The following MGST2 variants were observed in gnomAD, a reference collection of about 807,000 sequenced individuals.
MGST2 encodes the protein microsomal glutathione S-transferase 2.
Under a neutral mutation model 16.6 loss-of-function variants are expected in MGST2, and 9 were observed. That is an observed-to-expected ratio of 0.54 (90% confidence interval 0.33 to 0.95). MGST2 has a LOEUF of 0.95. Among genes scored for constraint, MGST2 ranks in the 40% least tolerant of loss-of-function variants. The pLI is 0.03. For missense variants in MGST2, 159 were observed against 175.1 expected, an observed-to-expected ratio of 0.91 and a Z score of 0.52; for synonymous variants, 79 against 68.0, an observed-to-expected ratio of 1.16 and a Z score of -0.79.
intron 5 of MGST2, among the ~76,000 whole-genome samples, chr4:139,716,116 G>A (rs989853627): frequency 3.3e-5 from 5 of 152,174 alleles, no homozygotes; most frequent in Non-Finnish European, 7.3e-5. Flanking sequence ...TTGCAGTAGA[G>A]CTCTGGAGCA....
chr4:139,713,960 CT>C (rs1452910902), intron 5 of MGST2, among the ~76,000 whole-genome samples: 1 of 152,222 alleles, frequency 6.6e-6, no homozygotes, highest in South Asian at 2.1e-4. Flanking sequence ...CTTGCAAAGG[CT>C]TTTAACTATT....
rs190438156 is a variant in MGST2, at chr4:139,723,491, T to A, written c.*49-16721T>A. 1.6e-3 allele frequency among the ~76,000 whole-genome samples: 248 copies of A among 152,248 alleles called. 1 individual carries two copies. The highest frequency in any genetic ancestry group is 3.4e-3 in the Middle Eastern group (1 of 294). On this transcript the variant is annotated intron_variant, in intron 5 of 5. Coordinates refer to the MGST2 transcript ENST00000616265. Reference sequence around the variant, plus strand: ...ATGCCTGGCTAATTTTTTGTATTTTTAGTAGAGACGGGGTTTCTCCATGTT... The same window carrying A: ...ATGCCTGGCTAATTTTTTGTATTTTAAGTAGAGACGGGGTTTCTCCATGTT...
At chr4:139,670,261 G>C (rs8192022) in intron 1 of MGST2, among the ~76,000 whole-genome samples, 3 of 124,496 alleles carry the variant, frequency 2.4e-5, no homozygotes, top group Non-Finnish European at 3.3e-5. Flanking sequence ...TGGGGGGCGG[G>C]GGGGGGGCGG....
At chr4:139,709,584 T>C (rs897995535) in intron 5 of MGST2, among the ~76,000 whole-genome samples, 2 of 152,370 alleles carry the variant, frequency 1.3e-5, no homozygotes, top group African/African-American at 2.4e-5. Flanking sequence ...GAAGCATTTA[T>C]GGCAAAGTGT....
chr4:139,708,917 A>G (rs1182136196), downstream of MGST2, among the ~76,000 whole-genome samples: 4 of 147,416 alleles, frequency 2.7e-5, no homozygotes, highest in Non-Finnish European at 4.5e-5. Context: ...CAGGAGAATC[A>G]CTTGAACCCA....
At chr4:139,730,943 A>G (rs1268850112) in intron 5 of MGST2, 4 of 464,522 alleles carry the variant, frequency 8.6e-6, no homozygotes, top group African/African-American at 7.7e-5. Context: ...TATTGCATAT[A>G]GACTGGATTT....
chr4:139,691,693 TG>T (rs1726603663), intron 2 of MGST2, among the ~76,000 whole-genome samples: 9 of 143,318 alleles, frequency 6.3e-5, no homozygotes, highest in East Asian at 2.4e-4. Flanking sequence ...ATGATGATGA[TG>T]ATGATTATTA....
intron 5 of MGST2, among the ~76,000 whole-genome samples, chr4:139,724,792 T>G (rs1280423231): frequency 7.5e-6 from 1 of 134,196 alleles, no homozygotes; most frequent in Non-Finnish European, 1.7e-5. Context: ...TTTTTTTTTT[T>G]GAGACAGAGT....
Position 139,695,304 on chromosome 4 carries a change from G to T in MGST2, c.229+37G>T. ...ATACAGTCAACTGTGTTCTAATGAT[G>T]ACTGTGATGCTTAAACGATTAAGGA... is the stretch of plus-strand genomic sequence containing the variant. On this transcript the variant is annotated intron_variant, in intron 3 of 4. Transcript: ENST00000265498. 3 of 1,508,172 alleles carry T rather than the reference G, an allele frequency of 2.0e-6. No individual in the cohort carries two copies. The South Asian group carries it at 3.4e-5, about 17-fold the overall frequency. 93.4% of individuals were successfully genotyped at this position (1,508,172 alleles called of 1,614,324 possible).
Position 139,715,671 on chromosome 4 carries a change from C to T in MGST2, c.*48+11475C>T, listed in dbSNP as rs1454966870. On this transcript the variant is annotated intron_variant, in intron 5 of 5. Transcript: ENST00000616265. This position sits in a 1 kb window ranked among gnomAD's most constrained non-coding sequence, Gnocchi z 4.4. The stretch of plus-strand genomic sequence containing the variant: ...TTATTCATGCCTCCCCTTTTTAGAC[C>T]ATATAGGGTAACTTCCTGACCTTGC... 6.6e-6 allele frequency among the ~76,000 whole-genome samples: 1 copy of T among 152,054 alleles called. No individual in the cohort carries two copies. The highest frequency in any genetic ancestry group is 2.4e-5 in the African/African-American group (1 of 41,400).
At chr4:139,754,012 A>G in the MGST2 span, among the ~76,000 whole-genome samples, 1 of 152,266 alleles carries the variant, frequency 6.6e-6, no homozygotes, top group African/African-American at 2.4e-5. Flanking sequence ...AAGAATTAAT[A>G]CTACCTACTA....
intron 3 of MGST2, among the ~76,000 whole-genome samples, chr4:139,701,551 TTTC>T (rs1273661830): frequency 2.0e-5 from 3 of 152,166 alleles, no homozygotes; most frequent in African/African-American, 4.8e-5. Context: ...AGTTTGCACT[TTTC>T]TTCTCATTTT....
chr4:139,690,372 CTCAAATGA>C (rs1726509246), intron 2 of MGST2, among the ~76,000 whole-genome samples: 1 of 152,128 alleles, frequency 6.6e-6, no homozygotes, highest in African/African-American at 2.4e-5. Context: ...AAACTCCTGG[CTCAAATGA>C]TCCTTCTGTC....
At chr4:139,702,345 A>C (rs1186902839) in intron 3 of MGST2, among the ~76,000 whole-genome samples, 1 of 152,022 alleles carries the variant, frequency 6.6e-6, no homozygotes, top group Non-Finnish European at 1.5e-5. Context: ...GTCAGTCCCC[A>C]TTCTCACTCC....
chr4:139,731,987 T>A (rs192537841), intron 5 of MGST2, among the ~76,000 whole-genome samples: 1 of 152,200 alleles, frequency 6.6e-6, no homozygotes, highest in Admixed American at 6.5e-5. Context: ...AAATTCCTTC[T>A]ACCTCACTGA....
At chr4:139,703,954 G>A (rs1158116886) in intron 4 of MGST2, 62 bp from the exon 5 acceptor site, 68 of 1,604,708 alleles carry the variant, frequency 4.2e-5, no homozygotes, top group Non-Finnish European at 5.7e-5. Context: ...CCTACCTCAG[G>A]ACTCTCAGCT....
chr4:139,714,634 C>T (rs1727872085), intron 5 of MGST2, among the ~76,000 whole-genome samples: 1 of 152,238 alleles, frequency 6.6e-6, no homozygotes, highest in African/African-American at 2.4e-5. Context: ...GCCCTGTCAT[C>T]TTTAATCTAA....
Position 139,704,227 on chromosome 4 carries a change from A to G in MGST2, c.*79A>G. On this transcript the variant is annotated 3_prime_UTR_variant, in exon 5 of 5. Transcript: ENST00000265498. ...ATGGTATCATTTGTTAAATAAAAAT[A>G]AAGTCTTTATTCTGTTTTTCTTGAA... is the stretch of plus-strand genomic sequence containing the variant. 6.5e-7 allele frequency: 1 copy of G among 1,537,580 alleles called. No individual in the cohort carries two copies. The highest frequency in any genetic ancestry group is 9.0e-7 in the Non-Finnish European group (1 of 1,112,464).
chr4:139,700,769 T>C (rs994790585), intron 3 of MGST2, among the ~76,000 whole-genome samples: 3 of 152,246 alleles, frequency 2.0e-5, no homozygotes, highest in Admixed American at 6.5e-5. Context: ...GCTGAGGGCT[T>C]TCTCCAAACT....
Sources: allele counts gnomAD v4.1 joint callset (sites outside exome capture counted in the v4.1 genomes callset), GRCh38; gene constraint gnomAD v4.1.1; non-coding constraint Gnocchi (gnomAD v3.1); transcripts MANE v1.5; gene names NCBI Gene and HGNC (gene_info 2026-07-23, HGNC 2026-07-21).